Variants in MPPED2 observed in about 807,000 individuals in gnomAD.
MPPED2 encodes the protein metallophosphoesterase MPPED2.
MPPED2 carries 5 observed loss-of-function variants against 33.0 expected under a neutral mutation model. The observed-to-expected ratio is 0.15, with a 90% CI of 0.08 to 0.32. The LOEUF (loss-of-function observed/expected upper bound fraction) is 0.32. MPPED2 is among the 10% of genes least tolerant of loss of function. The probability of loss-of-function intolerance (pLI) is 1.00; values close to 1 mark genes in which losing one functional copy is unlikely to be tolerated. For missense variants in MPPED2, 275 were observed against 372.1 expected (o/e 0.74, Z 2.15); for synonymous variants, 136 against 141.9 (o/e 0.96, Z 0.29).
chr11:30,544,063 C>T (rs940968971), intron 2 of MPPED2, among the ~76,000 whole-genome samples: 11 of 152,010 alleles, frequency 7.2e-5, no homozygotes, highest in African/African-American at 9.7e-5. Context: ...AGTACAGTGC[C>T]GACATTCAAT....
At chr11:30,526,118 G>C (rs1954160521) in intron 3 of MPPED2, among the ~76,000 whole-genome samples, 1 of 152,052 alleles carries the variant, frequency 6.6e-6, no homozygotes, top group South Asian at 2.1e-4. Context: ...AATTCATATA[G>C]GAAAAAAATT....
At chr11:30,414,579 T>C (rs1394527846) in intron 5 of MPPED2, among the ~76,000 whole-genome samples, 4 of 152,208 alleles carry the variant, frequency 2.6e-5, no homozygotes, top group Non-Finnish European at 5.9e-5. Context: ...AACATTTTTT[T>C]TTCTGTAGGA....
chr11:30,521,369 A>G (rs1442124169), intron 3 of MPPED2, among the ~76,000 whole-genome samples: 2 of 152,222 alleles, frequency 1.3e-5, no homozygotes, highest in Non-Finnish European at 2.9e-5. Flanking sequence ...TGCTAATCAA[A>G]CGCCTTTGTA....
chr11:30,545,874 T>TA (rs144395100), intron 2 of MPPED2, among the ~76,000 whole-genome samples: 4,636 of 138,852 alleles, frequency 0.033, 103 homozygotes, highest in African/African-American at 0.068. Context: ...CATATATATA[T>TA]TTTTTTTAGA....
chr11:30,471,725 T>C (rs558825717), intron 4 of MPPED2, among the ~76,000 whole-genome samples: 2 of 152,328 alleles, frequency 1.3e-5, no homozygotes, highest in Non-Finnish European at 2.9e-5. Context: ...GGACTGTGCC[T>C]GACATTACAG....
intron 3 of MPPED2, among the ~76,000 whole-genome samples, chr11:30,508,886 T>C (rs535080838): frequency 6.6e-6 from 1 of 152,318 alleles, no homozygotes; most frequent in East Asian, 1.9e-4. Context: ...TTCTGCCACA[T>C]GACTATGGAC....
At chr11:30,394,568 C>T (rs1428846605) in intron 6 of MPPED2, among the ~76,000 whole-genome samples, 1 of 152,056 alleles carries the variant, frequency 6.6e-6, no homozygotes, top group Non-Finnish European at 1.5e-5. Context: ...ATCCACAGAT[C>T]CTCTTTGGTT....
intron 4 of MPPED2, among the ~76,000 whole-genome samples, chr11:30,494,737 C>CAAAAAAA (rs767500886): frequency 6.7e-4 from 32 of 47,556 alleles, no homozygotes; most frequent in South Asian, 1.7e-3. Context: ...TACTCCACCT[C>CAAAAAAA]AAAAAAAAAA....
chr11:30,446,907 A>G (rs896921279), intron 4 of MPPED2, among the ~76,000 whole-genome samples: 7 of 152,188 alleles, frequency 4.6e-5, no homozygotes, highest in African/African-American at 1.7e-4. Context: ...CATTTAACTC[A>G]AGTGCTCTTT....
intron 1 of MPPED2, among the ~76,000 whole-genome samples, chr11:30,583,775 G>A (rs917555262): frequency 6.6e-6 from 1 of 152,080 alleles, no homozygotes; most frequent in Non-Finnish European, 1.5e-5. Context: ...CCCCTGCACT[G>A]CCCAGCACAG....
At chr11:30,537,745 T>A (rs1399664910) in intron 2 of MPPED2, among the ~76,000 whole-genome samples, 4 of 152,198 alleles carry the variant, frequency 2.6e-5, no homozygotes, top group African/African-American at 9.7e-5. Flanking sequence ...AAAGAAAGTT[T>A]AACTTCCGCA....
At chr11:30,404,203 A>T (rs1055940514) in intron 6 of MPPED2, among the ~76,000 whole-genome samples, 2 of 152,228 alleles carry the variant, frequency 1.3e-5, no homozygotes, top group Non-Finnish European at 2.9e-5. Flanking sequence ...GAGATGCACA[A>T]AGAAATAAGT....
At chr11:30,517,730 C>T (rs1182114259) in intron 3 of MPPED2, among the ~76,000 whole-genome samples, 1 of 152,080 alleles carries the variant, frequency 6.6e-6, no homozygotes, top group Admixed American at 6.6e-5. Context: ...CCCTCTGGCC[C>T]TGATGAAAAG....
intron 4 of MPPED2, among the ~76,000 whole-genome samples, chr11:30,423,354 A>G (rs1042758303): frequency 2.0e-5 from 3 of 152,194 alleles, no homozygotes; most frequent in Admixed American, 6.5e-5. Flanking sequence ...GGCTGCATCA[A>G]AAAGACTTGG....
chr11:30,409,890 G>A (rs1021589238), downstream of MPPED2, among the ~76,000 whole-genome samples: 2 of 152,062 alleles, frequency 1.3e-5, no homozygotes, highest in East Asian at 1.9e-4. Context: ...TGTCATCAAC[G>A]GTTTCCCCAA....
downstream of MPPED2, among the ~76,000 whole-genome samples, chr11:30,405,878 G>T (rs1947981575): frequency 6.6e-6 from 1 of 152,128 alleles, no homozygotes; most frequent in Non-Finnish European, 1.5e-5. Context: ...AGATGGGAAT[G>T]ATTCCTTTTC....
exon 7 of MPPED2, chr11:30,388,716 G>C: frequency 3.8e-6 from 3 of 780,042 alleles, no homozygotes; most frequent in Non-Finnish European, 5.5e-6. Flanking sequence ...TTGTCCACCA[G>C]GTGAGCTTCC....
chr11:30,495,168 G>A (rs954939091), intron 4 of MPPED2, 128 bp downstream of exon 4: 1 of 681,630 alleles, frequency 1.5e-6, no homozygotes, highest in African/African-American at 1.8e-5. Context: ...TATGTATTTT[G>A]TTGGAAATAC....
chr11:30,519,079 G>A (rs755399027), intron 3 of MPPED2, among the ~76,000 whole-genome samples: 3 of 151,844 alleles, frequency 2.0e-5, no homozygotes, highest in African/African-American at 4.8e-5. Context: ...CCAGGAGTTC[G>A]AGACCAGCCT....
Sources: gnomAD v4.1 joint callset for allele counts (sites outside exome capture counted in the v4.1 genomes callset) on GRCh38, gnomAD v4.1.1 for gene constraint, MANE v1.5 for transcripts, NCBI Gene and HGNC (gene_info 2026-07-23, HGNC 2026-07-21) for gene names.